The following PGS1 variants were observed in gnomAD, a reference collection of about 807,000 sequenced individuals.
PGS1 encodes the protein CDP-diacylglycerol--glycerol-3-phosphate 3-phosphatidyltransferase, mitochondrial.
PGS1 carries 44 observed loss-of-function variants against 58.3 expected under a neutral mutation model. The observed-to-expected ratio is 0.75, with a 90% CI of 0.59 to 0.97. PGS1 has a LOEUF of 0.97. Ranked by LOEUF, PGS1 falls within the 50% of genes least tolerant of loss-of-function variation. The probability of loss-of-function intolerance (pLI) is 0.00; values close to 1 mark genes in which losing one functional copy is unlikely to be tolerated. For missense variants in PGS1, 684 were observed against 731.1 expected (o/e 0.94, Z 0.74); for synonymous variants, 330 against 311.0 (o/e 1.06, Z -0.64).
At chr17:78,381,640 T>C (rs898966833) in intron 1 of PGS1, among the ~76,000 whole-genome samples, 3 of 152,206 alleles carry the variant, frequency 2.0e-5, no homozygotes, top group African/African-American at 7.2e-5. Context: ...TCATTGATAA[T>C]AGTTCTGTGC....
At chr17:78,384,715 G>A (rs1285714659) in intron 1 of PGS1, among the ~76,000 whole-genome samples, 1 of 152,178 alleles carries the variant, frequency 6.6e-6, no homozygotes, top group East Asian at 1.9e-4. Context: ...CAGCCCTCCA[G>A]CTTTACCGTA....
intron 1 of PGS1, among the ~76,000 whole-genome samples, chr17:78,386,897 A>G (rs1159205623): frequency 6.6e-6 from 1 of 152,186 alleles, no homozygotes; most frequent in Non-Finnish European, 1.5e-5. Flanking sequence ...ATAGTTTCAG[A>G]GCAAGAACTG....
intron 2 of PGS1, among the ~76,000 whole-genome samples, chr17:78,393,768 G>A (rs910354773): frequency 1.3e-5 from 2 of 152,144 alleles, no homozygotes; most frequent in African/African-American, 2.4e-5. Flanking sequence ...CTTTCAACAT[G>A]TTACTCAGGT....
At chr17:78,396,994 A>G (rs1464938847) in intron 3 of PGS1, among the ~76,000 whole-genome samples, 2 of 152,168 alleles carry the variant, frequency 1.3e-5, no homozygotes, top group African/African-American at 4.8e-5. Context: ...GTACTAGACA[A>G]ACGGACCTGA....
At chr17:78,418,932 A>AT (rs1383273352) in intron 8 of PGS1, among the ~76,000 whole-genome samples, 1 of 152,034 alleles carries the variant, frequency 6.6e-6, no homozygotes, top group Non-Finnish European at 1.5e-5. Context: ...CATTTAAAAT[A>AT]TTTTTTCCAC....
intron 7 of PGS1, among the ~76,000 whole-genome samples, chr17:78,411,190 C>T (rs988631594): frequency 6.6e-6 from 1 of 152,132 alleles, no homozygotes; most frequent in Non-Finnish European, 1.5e-5. Context: ...GGAGCCTCCT[C>T]GACCACATGG....
chr17:78,384,178 G>A (rs2082219768), intron 1 of PGS1, among the ~76,000 whole-genome samples: 1 of 152,204 alleles, frequency 6.6e-6, no homozygotes, highest in Non-Finnish European at 1.5e-5. Context: ...CATCTAGTCA[G>A]CATGTAGCTG....
chr17:78,378,722 C>T lies in PGS1; in HGVS notation c.57C>T (p.Gly19=), dbSNP rs1482691798. ...AGPVFWRRLL[G]LLPGRPGLAA... Reference sequence around the variant, plus strand: ...CCGTGTTCTGGAGGCGACTGCTGGGCCTCCTGCCTGGCCGCCCAGGGCTGG... The same window carrying T: ...CCGTGTTCTGGAGGCGACTGCTGGGTCTCCTGCCTGGCCGCCCAGGGCTGG... The change falls in exon 1 of 10, where the codon GGC becomes GGT. Residue 19 remains glycine (G), a synonymous_variant. Transcript: ENST00000262764. 2 of 1,517,294 alleles carry T rather than the reference C, an allele frequency of 1.3e-6. No homozygotes were observed. The highest frequency in any genetic ancestry group is 2.0e-5 in the Admixed American group (1 of 49,068). The allele number at this position is 1,517,294 out of a possible 1,614,324, so 94.0% of individuals were successfully genotyped here.
At chr17:78,385,044 G>A (rs955449777) in intron 1 of PGS1, among the ~76,000 whole-genome samples, 1 of 152,248 alleles carries the variant, frequency 6.6e-6, no homozygotes, top group African/African-American at 2.4e-5. Context: ...CAGAGCACGC[G>A]CAGCTGCAGA....
chr17:78,417,409 G>A (rs957072508), intron 8 of PGS1, among the ~76,000 whole-genome samples: 3 of 152,196 alleles, frequency 2.0e-5, no homozygotes, highest in African/African-American at 7.2e-5. Context: ...GGGCTGCGGG[G>A]CTGCTCAGTT....
In PGS1 at chr17:78,399,428, C is replaced by G; in HGVS notation, c.592C>G (p.Pro198Ala). ...GGTCCGAGTCTCCCTCTTTCACACG[C>G]CGCACCTCCGTGGGCTGCTTCGGCT... ...EQVRVSLFHT[P>A]HLRGLLRLLI... Residue 198 changes from proline (P) to alanine (A), a missense_variant, in exon 5 of 10, where the codon CCG (proline) becomes GCG (alanine). By Grantham distance (27) the Pro-to-Ala change is conservative. Coordinates refer to ENST00000262764, the MANE Select transcript of PGS1 (RefSeq NM_024419.5). 1.2e-6 allele frequency: 2 copies of G among 1,614,156 alleles called. No homozygotes were observed. Among genetic ancestry groups the G allele is most frequent in the East Asian group, 2.2e-5 (1 of 44,892 alleles).
chr17:78,384,583 C>G (rs1050971412), intron 1 of PGS1, among the ~76,000 whole-genome samples: 1 of 152,002 alleles, frequency 6.6e-6, no homozygotes, highest in Non-Finnish European at 1.5e-5. Context: ...GAGTCTGTAC[C>G]GTGAATGTAC....
rs955237423 is a variant in PGS1, at chr17:78,422,070, G to C, written c.*11-1991G>C. ...ACCCACAATATGTATGTGTGGACTA[G>C]ATTACTTTCTTATTTCAGGATCTAA... is the stretch of plus-strand genomic sequence containing the variant. On this transcript the variant is annotated intron_variant, in intron 9 of 9. Coordinates refer to ENST00000262764, the MANE Select transcript of PGS1 (RefSeq NM_024419.5). 2.6e-5 allele frequency among the ~76,000 whole-genome samples: 4 copies of C among 152,234 alleles called. No homozygotes were observed. The East Asian group carries it at 5.8e-4, about 22-fold the overall frequency.
intron 7 of PGS1, among the ~76,000 whole-genome samples, chr17:78,413,717 C>T (rs1289339591): frequency 2.0e-5 from 3 of 152,210 alleles, no homozygotes; most frequent in African/African-American, 4.8e-5. Context: ...TCAGGCAGCA[C>T]GTGTCCTTGG....
intron 2 of PGS1, among the ~76,000 whole-genome samples, chr17:78,394,909 G>GATGACTGACTGTCTCCACAT (rs2083113782): frequency 1.3e-5 from 2 of 152,198 alleles, no homozygotes; most frequent in Admixed American, 1.3e-4. Context: ...ACTCTGGGAG[G>GATGACTGACTGTCTCCACAT]ATGACTGACT....
At chr17:78,394,430 C>T (rs1034890424) in intron 2 of PGS1, among the ~76,000 whole-genome samples, 1 of 152,084 alleles carries the variant, frequency 6.6e-6, no homozygotes, top group Non-Finnish European at 1.5e-5. Context: ...TTTTGTTCTC[C>T]CCTCTCACCT....
At chr17:78,399,940 C>A in intron 5 of PGS1, 1 of 254,506 alleles carries the variant, frequency 3.9e-6, no homozygotes. Flanking sequence ...AAATATGGGC[C>A]CTTTCACAGG....
intron 9 of PGS1, among the ~76,000 whole-genome samples, chr17:78,423,424 T>G (rs1212849275): frequency 2.0e-5 from 3 of 152,178 alleles, no homozygotes; most frequent in Non-Finnish European, 2.9e-5. Context: ...TGAGACGCTG[T>G]GTGGAGGCGG....
intron 1 of PGS1, among the ~76,000 whole-genome samples, chr17:78,381,186 G>A (rs1057501016): frequency 6.6e-6 from 1 of 152,142 alleles, no homozygotes; most frequent in Non-Finnish European, 1.5e-5. Context: ...TGTGGCAGTG[G>A]AGATAGTCTA....
Sources: gnomAD v4.1 joint callset for allele counts (sites outside exome capture counted in the v4.1 genomes callset) on GRCh38, gnomAD v4.1.1 for gene constraint, MANE v1.5 for transcripts, NCBI Gene and HGNC (gene_info 2026-07-23, HGNC 2026-07-21) for gene names.